The following SLC44A5 variants were observed in gnomAD, a reference collection of about 807,000 sequenced individuals.
SLC44A5 encodes the protein solute carrier family 44 member 5, also known as choline transporter-like protein 5.
In SLC44A5, 57 loss-of-function variants were observed where a neutral mutation model predicts 101.8. The observed-to-expected ratio is 0.56, with a 90% CI of 0.45 to 0.70. SLC44A5 has a LOEUF of 0.70. Among genes scored for constraint, SLC44A5 ranks in the 30% least tolerant of loss-of-function variants. The probability of loss-of-function intolerance (pLI) is 0.00; values close to 1 mark genes in which losing one functional copy is unlikely to be tolerated. For synonymous variants in SLC44A5, 281 were observed against 290.9 expected (o/e 0.97, Z 0.35); for missense variants, 737 against 853.1 (o/e 0.86, Z 1.70).
chr1:75,619,081 G>GGC, the SLC44A5 span, among the ~76,000 whole-genome samples: 3 of 19,646 alleles, frequency 1.5e-4, no homozygotes, highest in African/African-American at 4.3e-4. Flanking sequence ...AAAAAAAAAG[G>GGC]GGGGGGGGAA....
chr1:75,269,481 T>C (rs1651276667), intron 6 of SLC44A5, among the ~76,000 whole-genome samples: 1 of 152,104 alleles, frequency 6.6e-6, no homozygotes, highest in Non-Finnish European at 1.5e-5. Flanking sequence ...CTTAACCCCA[T>C]AATTCTATAA....
In SLC44A5 at chr1:75,469,904, A is replaced by G. The variant is rs79961110; in HGVS notation, c.13+71531T>C. Among the ~76,000 whole-genome samples the G allele has an allele frequency of 7.6e-3, 630 of 82,550 alleles. 1 individual carries two copies. The highest frequency in any genetic ancestry group is 0.037 in the African/African-American group (614 of 16,668). The allele number at this position is 82,550 out of a possible 152,430, so 54.2% of individuals were successfully genotyped here. On this transcript the variant is annotated intron_variant, in intron 2 of 23. Transcript: ENST00000370859. ...GACAGAGAGAGACCTTGTGAAGAAA[A>G]AAAAAAAAAAAAAAAAAAAAGTAGA...
chr1:75,520,916 T>A (rs1670082836), intron 2 of SLC44A5, among the ~76,000 whole-genome samples: 1 of 152,070 alleles, frequency 6.6e-6, no homozygotes, highest in Admixed American at 6.5e-5. Flanking sequence ...CACTGTCATA[T>A]GTTCAAGTTT....
At chr1:75,358,411 C>CATT (rs1160813139) in intron 3 of SLC44A5, among the ~76,000 whole-genome samples, 2 of 152,036 alleles carry the variant, frequency 1.3e-5, no homozygotes. Context: ...TTTTGCATTG[C>CATT]ATTATTTTTT....
At chr1:75,394,964 T>C (rs1662033216) in intron 3 of SLC44A5, among the ~76,000 whole-genome samples, 1 of 152,058 alleles carries the variant, frequency 6.6e-6, no homozygotes, top group Admixed American at 6.6e-5. Context: ...TCAGCAGAGT[T>C]ATCCCAGTAA....
At chr1:75,359,234 T>TC (rs1232143446) in intron 3 of SLC44A5, among the ~76,000 whole-genome samples, 2 of 145,968 alleles carry the variant, frequency 1.4e-5, no homozygotes, top group East Asian at 2.0e-4. Flanking sequence ...TCTTTTCTTT[T>TC]TTTTTTTTTT....
At chr1:75,435,295 T>G (rs1189133210) in intron 2 of SLC44A5, among the ~76,000 whole-genome samples, 2 of 152,174 alleles carry the variant, frequency 1.3e-5, no homozygotes, top group African/African-American at 4.8e-5. Context: ...TAATACCTAT[T>G]AACTAAAATC....
At chr1:75,442,411 A>G (rs1213728544) in intron 2 of SLC44A5, among the ~76,000 whole-genome samples, 2 of 151,838 alleles carry the variant, frequency 1.3e-5, no homozygotes, top group Non-Finnish European at 2.9e-5. Context: ...TTCCTCTGAG[A>G]CCTCTTCTTG....
intron 6 of SLC44A5, among the ~76,000 whole-genome samples, chr1:75,267,885 A>G (rs1651133084): frequency 6.6e-6 from 1 of 152,108 alleles, no homozygotes; most frequent in Non-Finnish European, 1.5e-5. Flanking sequence ...TTTTAAATGA[A>G]AAAAAGCTTA....
the SLC44A5 span, among the ~76,000 whole-genome samples, chr1:75,693,289 T>C: frequency 6.6e-6 from 1 of 152,190 alleles, no homozygotes; most frequent in East Asian, 1.9e-4. Context: ...GCCTAAATAT[T>C]GGGTTATATT....
chr1:75,318,987 T>G (rs958886851), intron 4 of SLC44A5, among the ~76,000 whole-genome samples: 1 of 152,012 alleles, frequency 6.6e-6, no homozygotes, highest in African/African-American at 2.4e-5. Flanking sequence ...TTCAAGGCCT[T>G]TCTGGATCTG....
At chr1:75,645,218 G>A in the SLC44A5 span, among the ~76,000 whole-genome samples, 1 of 152,130 alleles carries the variant, frequency 6.6e-6, no homozygotes, top group Non-Finnish European at 1.5e-5. Flanking sequence ...TTCCACAATG[G>A]TTGAACTAGT....
chr1:75,226,734 T>C (rs918187155), intron 13 of SLC44A5, among the ~76,000 whole-genome samples: 1 of 152,102 alleles, frequency 6.6e-6, no homozygotes, highest in Admixed American at 6.6e-5. Context: ...GATTTTTTTT[T>C]AAAGCAACAT....
chr1:75,662,177 G>C, the SLC44A5 span, among the ~76,000 whole-genome samples: 1 of 152,004 alleles, frequency 6.6e-6, no homozygotes, highest in Admixed American at 6.6e-5. Flanking sequence ...TCATAAAAAA[G>C]AATGAAATCC....
At chr1:75,357,584 G>A (rs762438690) in intron 3 of SLC44A5, among the ~76,000 whole-genome samples, 1 of 152,146 alleles carries the variant, frequency 6.6e-6, no homozygotes, top group Non-Finnish European at 1.5e-5. Flanking sequence ...GGGAAAGACA[G>A]CTCATATTTA....
At chr1:75,613,168 C>T (rs1225213168), upstream of SLC44A5, among the ~76,000 whole-genome samples, 2 of 152,218 alleles carry the variant, frequency 1.3e-5, no homozygotes, top group African/African-American at 2.4e-5. Context: ...TCCCTGCATG[C>T]GGTGTAGCTA....
chr1:75,216,543 A>G (rs1032357235), intron 18 of SLC44A5, among the ~76,000 whole-genome samples: 15 of 152,034 alleles, frequency 9.9e-5, no homozygotes, highest in South Asian at 8.3e-4. Flanking sequence ...TGACTACATC[A>G]TTTGACATTC....
intron 5 of SLC44A5, among the ~76,000 whole-genome samples, chr1:75,276,536 T>C (rs1291782079): frequency 6.6e-6 from 1 of 152,138 alleles, no homozygotes. Context: ...CACTTAATTA[T>C]TTTGAGTCCT....
upstream of SLC44A5, among the ~76,000 whole-genome samples, chr1:75,614,379 T>C (rs1459387554): frequency 6.6e-6 from 1 of 152,252 alleles, no homozygotes; most frequent in Non-Finnish European, 1.5e-5. Flanking sequence ...AATAAAATTG[T>C]CATACATAGG....
Sources: allele counts gnomAD v4.1 joint callset (sites outside exome capture counted in the v4.1 genomes callset), GRCh38; gene constraint gnomAD v4.1.1; transcripts MANE v1.5; gene names NCBI Gene and HGNC (gene_info 2026-07-23, HGNC 2026-07-21).